Variants in SMOX observed in about 807,000 individuals in gnomAD.
SMOX encodes the protein spermine oxidase, also known as flavin containing amine oxidase.
Under a neutral mutation model 51.0 loss-of-function variants are expected in SMOX, and 22 were observed. The observed-to-expected ratio is 0.43, with a 90% CI of 0.31 to 0.62. SMOX has a LOEUF of 0.62. Among genes scored for constraint, SMOX ranks in the 20% least tolerant of loss-of-function variants. The pLI is 0.10. For synonymous variants in SMOX, 282 were observed against 307.8 expected (o/e 0.92, Z 0.88); for missense variants, 566 against 777.7 (o/e 0.73, Z 3.24).
chr20:4,176,395 C>T (rs377336096), intron 2 of SMOX, among the ~76,000 whole-genome samples: 1 of 152,138 alleles, frequency 6.6e-6, no homozygotes, highest in East Asian at 1.9e-4. Flanking sequence ...AAACAGACTC[C>T]ACCTTCTCAT....
chr20:4,158,951 T>A (rs938336505), intron 1 of SMOX, among the ~76,000 whole-genome samples: 1 of 152,066 alleles, frequency 6.6e-6, no homozygotes, highest in Non-Finnish European at 1.5e-5. Flanking sequence ...TTAGGAAATA[T>A]TTTTAAATGA....
chr20:4,155,192 C>G (rs1600794206), intron 1 of SMOX, among the ~76,000 whole-genome samples: 1 of 152,290 alleles, frequency 6.6e-6, no homozygotes, highest in East Asian at 1.9e-4. Flanking sequence ...ATTGGGGAAA[C>G]AGCTGATCCG....
At chr20:4,157,171 CCT>C (rs1286425520) in intron 1 of SMOX, among the ~76,000 whole-genome samples, 9 of 152,310 alleles carry the variant, frequency 5.9e-5, no homozygotes, top group African/African-American at 1.9e-4. Context: ...ATAAGCTAAG[CCT>C]CTCTGTGCCT....
intron 2 of SMOX, chr20:4,176,277 C>G (rs1978845602): frequency 6.6e-6 from 1 of 152,178 alleles, no homozygotes; most frequent in Non-Finnish European, 1.5e-5. Flanking sequence ...CTGCCTGGGC[C>G]TCTTGTAGAA....
intron 3 of SMOX, among the ~76,000 whole-genome samples, chr20:4,180,719 GCTT>G (rs71331102): frequency 0.035 from 5,357 of 152,212 alleles, 177 homozygotes; most frequent in East Asian, 0.19. Flanking sequence ...ATTCCTGACT[GCTT>G]CTCCATCTTT....
intron 1 of SMOX, among the ~76,000 whole-genome samples, chr20:4,159,311 T>C (rs6037777): frequency 0.046 from 7,031 of 152,166 alleles, 190 homozygotes; most frequent in African/African-American, 0.076. Context: ...GGGGTTTCAC[T>C]ATGTTGGCCA....
chr20:4,168,385 C>G (rs1986663738), intron 1 of SMOX, among the ~76,000 whole-genome samples: 1 of 152,122 alleles, frequency 6.6e-6, no homozygotes, highest in Non-Finnish European at 1.5e-5. Context: ...GGGAGCCAGG[C>G]AAAGTGAGCC....
At position 4,182,238 on chromosome 20, in the gene SMOX, C is replaced by A. The variant is rs374161474; in HGVS notation, c.759C>A (p.His253Gln). ...VELLAEGIPAHVIQLGKPVRC... is the reference protein window; with the variant it reads ...VELLAEGIPAQVIQLGKPVRC... ...TGCTGGCGGAGGGCATCCCTGCCCA[C>A]GTCATCCAGCTAGGGAAACCTGTCC... The change falls in exon 5 of 7, where the codon CAC becomes CAA. Residue 253 changes from histidine (H) to glutamine (Q), a missense_variant. Physicochemically the swap from His to Gln is conservative, Grantham distance 24 (BLOSUM62 0). Transcript: ENST00000305958. This position sits in a 1 kb window ranked among gnomAD's most constrained non-coding sequence, Gnocchi z 8.4. 8 of 1,613,604 alleles carry A rather than the reference C, an allele frequency of 5.0e-6. No individual in the cohort carries two copies. The Admixed American group carries it at 8.3e-5, about 17-fold the overall frequency.
chr20:4,168,974 G>T (rs1485023237), intron 1 of SMOX, among the ~76,000 whole-genome samples: 1 of 148,286 alleles, frequency 6.7e-6, no homozygotes, highest in African/African-American at 2.5e-5. Context: ...TAGAGACAGG[G>T]TCTTGCTCTG....
Position 4,182,837 on chromosome 20 carries a change from G to T in SMOX, c.1358G>T (p.Arg453Leu). 1.9e-6 allele frequency: 3 copies of T among 1,606,040 alleles called. No homozygotes were observed. The highest frequency in any genetic ancestry group is 2.5e-6 in the Non-Finnish European group (3 of 1,179,752). ...GCCGAGATCTGCACGGAGATGCTGCGTCAGTTCACAGGTGCGCCACGTGCC... is the reference window on the plus strand; with the variant it reads ...GCCGAGATCTGCACGGAGATGCTGCTTCAGTTCACAGGTGCGCCACGTGCC... ...AVAEICTEML[R>L]QFTGNPNIPK... The change falls in exon 5 of 7, where the codon CGT (arginine) becomes CTT (leucine). Residue 453 changes from arginine to leucine, a missense_variant. Arg to Leu is a moderately radical substitution (Grantham distance 102). This residue lies in a region of SMOX where 347 missense variants were observed against 481.8 expected (regional missense o/e 0.72). Coordinates refer to ENST00000305958, the MANE Select transcript of SMOX (RefSeq NM_175839.3). This position sits in a 1 kb window ranked among gnomAD's most constrained non-coding sequence, Gnocchi z 8.4.
chr20:4,165,794 G>C (rs1384436383), intron 1 of SMOX, among the ~76,000 whole-genome samples: 1 of 152,206 alleles, frequency 6.6e-6, no homozygotes, highest in African/African-American at 2.4e-5. Flanking sequence ...AGAGGCTGCT[G>C]CTGGGCAGTT....
In SMOX at chr20:4,182,243, T is replaced by C. The variant is rs1316327990; in HGVS notation, c.764T>C (p.Ile255Thr). ...LLAEGIPAHV[I>T]QLGKPVRCIH... ...GCGGAGGGCATCCCTGCCCACGTCA[T>C]CCAGCTAGGGAAACCTGTCCGCTGC... is the stretch of plus-strand genomic sequence containing the variant. Residue 255 changes from isoleucine (I) to threonine (T), a missense_variant, in exon 5 of 7, where the codon ATC becomes ACC. By Grantham distance (89) the Ile-to-Thr change is moderately conservative. This residue lies in a region of SMOX where 347 missense variants were observed against 481.8 expected (regional missense o/e 0.72). Transcript: ENST00000305958. The surrounding 1 kb of genome is among the most constrained non-coding windows in gnomAD (Gnocchi z 8.4). The C allele has an allele frequency of 2.5e-6, 4 of 1,613,708 alleles. No individual in the cohort carries two copies. Among genetic ancestry groups the C allele is most frequent in the Non-Finnish European group, 3.4e-6 (4 of 1,179,954 alleles).
intron 3 of SMOX, among the ~76,000 whole-genome samples, chr20:4,178,058 T>C (rs941215023): frequency 6.6e-6 from 1 of 152,244 alleles, no homozygotes; most frequent in Non-Finnish European, 1.5e-5. Context: ...TTGTTTGTTT[T>C]TGAGATGGAG....
At chr20:4,184,849 T>G (rs1307550858) in intron 6 of SMOX, among the ~76,000 whole-genome samples, 2 of 152,232 alleles carry the variant, frequency 1.3e-5, no homozygotes, top group Admixed American at 6.5e-5. Flanking sequence ...CAACTGTGAC[T>G]TAAACAAGGA....
At chr20:4,161,614 A>G (rs1298620812) in intron 1 of SMOX, among the ~76,000 whole-genome samples, 2 of 152,140 alleles carry the variant, frequency 1.3e-5, no homozygotes, top group African/African-American at 4.8e-5. Flanking sequence ...GCAAGTCCCC[A>G]GGAGGTTGAC....
At chr20:4,158,051 C>T in intron 1 of SMOX, among the ~76,000 whole-genome samples, 1 of 150,544 alleles carries the variant, frequency 6.6e-6, no homozygotes, top group Non-Finnish European at 1.5e-5. Context: ...CAGGCGCCCG[C>T]CACCACGCCC....
chr20:4,171,608 T>G (rs1235089482), intron 1 of SMOX: 1 of 152,266 alleles, frequency 6.6e-6, no homozygotes, highest in Non-Finnish European at 1.5e-5. Context: ...AGGGTCAGAA[T>G]GCAGGGGACT....
chr20:4,179,458 G>A (rs993937432), intron 3 of SMOX, among the ~76,000 whole-genome samples: 4 of 152,180 alleles, frequency 2.6e-5, no homozygotes, highest in Non-Finnish European at 4.4e-5. Context: ...AGATTTCTTT[G>A]TGTGGCTTTT....
Position 4,170,979 on chromosome 20 carries a change from G to A in SMOX, c.-26-4051G>A, listed in dbSNP as rs61696266. On this transcript the variant is annotated intron_variant, in intron 1 of 6. Coordinates refer to ENST00000305958, the MANE Select transcript of SMOX (RefSeq NM_175839.3). This position sits in a 1 kb window ranked among gnomAD's most constrained non-coding sequence, Gnocchi z 4.6. ...GGGACATGGAGAATAACCTCAAGGC[G>A]TGGGTGCAGGCGCTGGGCAAGAGGC... 0.012 allele frequency among the ~76,000 whole-genome samples: 1,819 copies of A among 152,298 alleles called. 35 individuals carry two copies. The highest frequency in any genetic ancestry group is 0.04 in the African/African-American group (1,653 of 41,556).
Sources: gnomAD v4.1 joint callset for allele counts (sites outside exome capture counted in the v4.1 genomes callset) on GRCh38, gnomAD v4.1.1 for gene constraint, gnomAD v4.1.1 regional missense constraint, Gnocchi (gnomAD v3.1) non-coding constraint, MANE v1.5 for transcripts, NCBI Gene and HGNC (gene_info 2026-07-23, HGNC 2026-07-21) for gene names.